The following NOL4 variants were observed in gnomAD, a reference collection of about 807,000 sequenced individuals.
NOL4 encodes cancer/testis antigen 125.
Under a neutral mutation model 75.9 loss-of-function variants are expected in NOL4, and 17 were observed. The ratio of observed to expected loss-of-function variants is 0.22; its 90% CI spans 0.15 to 0.34. NOL4 has a LOEUF of 0.34. NOL4 is among the 10% of genes least tolerant of loss of function. NOL4 has a pLI of 1.00. For missense variants in NOL4, 614 were observed against 793.5 expected, an observed-to-expected ratio of 0.77 and a Z score of 2.72; for synonymous variants, 292 against 289.9, an observed-to-expected ratio of 1.01 and a Z score of -0.07.
intron 6 of NOL4, among the ~76,000 whole-genome samples, chr18:33,963,285 C>T (rs1284777371): frequency 1.3e-5 from 2 of 152,148 alleles, no homozygotes; most frequent in Non-Finnish European, 2.9e-5. Flanking sequence ...ATGAGCTTTA[C>T]AGATTGCAAT....
At chr18:34,059,274 G>T (rs1444890218) in intron 5 of NOL4, among the ~76,000 whole-genome samples, 1 of 151,534 alleles carries the variant, frequency 6.6e-6, no homozygotes, top group Non-Finnish European at 1.5e-5. Flanking sequence ...TTTGTCTTAT[G>T]CAGCCTTCTT....
At chr18:34,008,492 A>C (rs2074184984) in intron 6 of NOL4, among the ~76,000 whole-genome samples, 1 of 152,012 alleles carries the variant, frequency 6.6e-6, no homozygotes, top group Non-Finnish European at 1.5e-5. Flanking sequence ...TTAATGAAAA[A>C]TGTAAAAATA....
chr18:33,863,363 T>C (rs1337031707), intron 10 of NOL4, among the ~76,000 whole-genome samples: 1 of 152,112 alleles, frequency 6.6e-6, no homozygotes, highest in African/African-American at 2.4e-5. Context: ...ATGTCACATG[T>C]ATACATATGT....
intron 5 of NOL4, among the ~76,000 whole-genome samples, chr18:34,034,809 T>A: frequency 6.9e-6 from 1 of 143,958 alleles, no homozygotes; most frequent in Non-Finnish European, 1.5e-5. Context: ...TTACATCAGA[T>A]AAAATGTACT....
intron 4 of NOL4, among the ~76,000 whole-genome samples, chr18:34,101,301 G>A (rs1355848241): frequency 1.3e-5 from 2 of 152,150 alleles, no homozygotes; most frequent in Non-Finnish European, 2.9e-5. Flanking sequence ...CCTTGCAGGG[G>A]CCATGTAGAA....
chr18:34,219,107 T>G (rs2037116815), intron 1 of NOL4, among the ~76,000 whole-genome samples: 1 of 152,234 alleles, frequency 6.6e-6, no homozygotes, highest in Non-Finnish European at 1.5e-5. Flanking sequence ...ATTGCAGAAC[T>G]GAATAAATCA....
At chr18:34,072,513 C>T (rs1262527439) in intron 5 of NOL4, among the ~76,000 whole-genome samples, 2 of 152,050 alleles carry the variant, frequency 1.3e-5, no homozygotes, top group African/African-American at 2.4e-5. Context: ...GAGATTTTAA[C>T]ATGTCTTTAT....
chr18:34,031,971 A>C (rs971004186), intron 5 of NOL4, among the ~76,000 whole-genome samples: 2 of 152,202 alleles, frequency 1.3e-5, no homozygotes, highest in African/African-American at 2.4e-5. Flanking sequence ...AGCTACAACA[A>C]GCTGCCATTT....
chr18:34,183,274 G>A (rs1454593607), intron 1 of NOL4, among the ~76,000 whole-genome samples: 1 of 151,838 alleles, frequency 6.6e-6, no homozygotes, highest in African/African-American at 2.4e-5. Context: ...ATATGTGGAT[G>A]CAAATAAGCA....
intron 9 of NOL4, among the ~76,000 whole-genome samples, chr18:33,888,598 C>G (rs572486530): frequency 3.0e-3 from 455 of 151,922 alleles, no homozygotes; most frequent in Admixed American, 4.9e-3. Context: ...TTATTGTATA[C>G]TGTGTAAGGA....
At chr18:34,116,661 TA>T (rs1378438825) in intron 2 of NOL4, among the ~76,000 whole-genome samples, 11 of 152,162 alleles carry the variant, frequency 7.2e-5, no homozygotes, top group Admixed American at 7.2e-4. Context: ...TGAAGTAACA[TA>T]AAGTTAGAAA....
At chr18:34,146,282 T>A (rs1320239794) in intron 1 of NOL4, among the ~76,000 whole-genome samples, 1 of 151,960 alleles carries the variant, frequency 6.6e-6, no homozygotes, top group African/African-American at 2.4e-5. Context: ...TTTGGTGTTT[T>A]AGTCATGAAG....
intron 1 of NOL4, among the ~76,000 whole-genome samples, chr18:34,200,763 A>G (rs1044927814): frequency 2.6e-5 from 4 of 151,840 alleles, no homozygotes; most frequent in Admixed American, 1.3e-4. Flanking sequence ...AGATGAAAAA[A>G]ATAAGAAATG....
At chr18:34,179,170 T>C (rs1319533960) in intron 1 of NOL4, among the ~76,000 whole-genome samples, 1 of 151,502 alleles carries the variant, frequency 6.6e-6, no homozygotes, top group African/African-American at 2.4e-5. Context: ...GTATCAAAAC[T>C]TATAGGATGC....
chr18:33,991,843 A>G (rs1329378375), intron 6 of NOL4, among the ~76,000 whole-genome samples: 1 of 152,070 alleles, frequency 6.6e-6, no homozygotes, highest in Admixed American at 6.6e-5. Context: ...AAACCTTTCT[A>G]TCGAACAGTG....
At chr18:33,953,769 T>C (rs936455776) in intron 8 of NOL4, among the ~76,000 whole-genome samples, 16 of 152,188 alleles carry the variant, frequency 1.1e-4, no homozygotes, top group African/African-American at 3.4e-4. Context: ...TGGAATTAAA[T>C]ACCAAAGATT....
intron 6 of NOL4, among the ~76,000 whole-genome samples, chr18:34,005,145 T>C (rs577581427): frequency 6.6e-6 from 1 of 152,282 alleles, no homozygotes; most frequent in East Asian, 1.9e-4. Flanking sequence ...ATCCTTTTAC[T>C]ACATGTTTTT....
chr18:34,211,029 G>A lies in NOL4; in HGVS notation c.264+11961C>T, dbSNP rs556948048. On this transcript the variant is annotated intron_variant, in intron 1 of 10. Coordinates refer to ENST00000261592, the MANE Select transcript of NOL4 (RefSeq NM_003787.5). ...TTTACGGTGGAGGTTGCAGTGAGCC[G>A]AGATCGCAGCACTGCACTCCAGCCT... Among the ~76,000 whole-genome samples, 23 of 151,814 alleles carry A rather than the reference G, an allele frequency of 1.5e-4. No homozygotes were observed. The South Asian group carries it at 2.3e-3, about 15-fold the overall frequency.
chr18:33,933,741 C>A (rs900381518), intron 9 of NOL4, among the ~76,000 whole-genome samples: 9 of 152,124 alleles, frequency 5.9e-5, no homozygotes, highest in Non-Finnish European at 1.2e-4. Context: ...CTCTTGCTAT[C>A]CACCACATCT....
Sources: gnomAD v4.1 joint callset for allele counts (sites outside exome capture counted in the v4.1 genomes callset) on GRCh38, gnomAD v4.1.1 for gene constraint, MANE v1.5 for transcripts, NCBI Gene and HGNC (gene_info 2026-07-23, HGNC 2026-07-21) for gene names.